The following GRM8 variants were observed in gnomAD, a reference collection of about 807,000 sequenced individuals.
GRM8 encodes the protein metabotropic glutamate receptor 8.
A neutral mutation model predicts 87.2 loss-of-function variants in GRM8; 47 were observed. The ratio of observed to expected loss-of-function variants is 0.54; its 90% CI spans 0.43 to 0.69. The LOEUF is 0.69. Among genes scored for constraint, GRM8 ranks in the 30% least tolerant of loss-of-function variants. The probability of loss-of-function intolerance (pLI) is 0.00; values close to 1 mark genes in which losing one functional copy is unlikely to be tolerated. For synonymous variants in GRM8, 396 were observed against 404.5 expected, an observed-to-expected ratio of 0.98 and a Z score of 0.25; for missense variants, 1,019 against 1,139.2, an observed-to-expected ratio of 0.89 and a Z score of 1.52.
intron 3 of GRM8, among the ~76,000 whole-genome samples, chr7:127,028,504 T>C (rs1372937232): frequency 6.6e-6 from 1 of 152,236 alleles, no homozygotes; most frequent in African/African-American, 2.4e-5. Flanking sequence ...ATTGCCTCAA[T>C]TTCAGAACCT....
chr7:126,886,190 C>G (rs1027939925), intron 6 of GRM8, among the ~76,000 whole-genome samples: 3 of 152,108 alleles, frequency 2.0e-5, no homozygotes, highest in African/African-American at 7.2e-5. Context: ...AAAAGTAAAT[C>G]TGAGCTTCCC....
At chr7:126,794,514 T>C (rs1019995655) in intron 6 of GRM8, among the ~76,000 whole-genome samples, 1 of 152,156 alleles carries the variant, frequency 6.6e-6, no homozygotes, top group Non-Finnish European at 1.5e-5. Flanking sequence ...TTCATATTGA[T>C]TTTTCTTCCG....
intron 3 of GRM8, chr7:126,981,718 C>G (rs1811550091): frequency 6.6e-6 from 1 of 152,220 alleles, no homozygotes; most frequent in Non-Finnish European, 1.5e-5. Flanking sequence ...ATAGCACCCT[C>G]TTAGAGGCCA....
intron 3 of GRM8, among the ~76,000 whole-genome samples, chr7:126,995,476 T>A (rs945681935): frequency 6.6e-6 from 1 of 152,256 alleles, no homozygotes; most frequent in Admixed American, 6.5e-5. Context: ...CAAAGAAGAA[T>A]TCAGAATTCT....
chr7:127,049,722 C>T (rs1819282398), intron 3 of GRM8, among the ~76,000 whole-genome samples: 2 of 152,048 alleles, frequency 1.3e-5, no homozygotes, highest in African/African-American at 4.8e-5. Flanking sequence ...GGGAGCAAAG[C>T]CAGGCCAGCA....
intron 3 of GRM8, among the ~76,000 whole-genome samples, chr7:127,029,030 G>A (rs545658483): frequency 1.3e-4 from 20 of 152,226 alleles, no homozygotes; most frequent in South Asian, 1.0e-3. Context: ...ATTCTGGTAC[G>A]TTGTGTCTTT....
chr7:126,559,807 A>G (rs139937001), intron 8 of GRM8, among the ~76,000 whole-genome samples: 1 of 152,324 alleles, frequency 6.6e-6, no homozygotes, highest in African/African-American at 2.4e-5. Flanking sequence ...TGAAAATTTC[A>G]ATTGTAGGCT....
chr7:126,779,171 C>A (rs962992454), intron 6 of GRM8, among the ~76,000 whole-genome samples: 3 of 151,984 alleles, frequency 2.0e-5, no homozygotes, highest in Middle Eastern at 3.4e-3. Context: ...GCAATTAATT[C>A]TTTTGTTATA....
At chr7:126,772,741 G>A (rs939002133) in intron 6 of GRM8, among the ~76,000 whole-genome samples, 1 of 151,978 alleles carries the variant, frequency 6.6e-6, no homozygotes. Context: ...AAGAGTCAAA[G>A]AACACAATTC....
intron 3 of GRM8, chr7:127,076,222 AC>A: frequency 6.6e-6 from 3 of 456,574 alleles, no homozygotes; most frequent in South Asian, 4.6e-5. Context: ...TGAATCCCAA[AC>A]AGGGATGGAT....
At chr7:126,915,999 A>G (rs554046676) in intron 3 of GRM8, among the ~76,000 whole-genome samples, 5 of 152,320 alleles carry the variant, frequency 3.3e-5, no homozygotes, top group Non-Finnish European at 7.3e-5. Context: ...TGCCATTTCA[A>G]ATTAGGTTCC....
intron 6 of GRM8, among the ~76,000 whole-genome samples, chr7:126,772,401 C>T (rs1159591400): frequency 6.6e-6 from 1 of 152,072 alleles, no homozygotes; most frequent in Non-Finnish European, 1.5e-5. Context: ...CAGTGAGGTT[C>T]AGGGCAGTTG....
chr7:126,683,997 A>AT (rs1007092774), intron 7 of GRM8, among the ~76,000 whole-genome samples: 1 of 152,186 alleles, frequency 6.6e-6, no homozygotes, highest in African/African-American at 2.4e-5. Flanking sequence ...ATCATGTTGA[A>AT]TTTTTTCACT....
intron 6 of GRM8, among the ~76,000 whole-genome samples, chr7:126,891,937 G>T (rs1288067752): frequency 2.7e-5 from 4 of 145,488 alleles, no homozygotes; most frequent in African/African-American, 1.0e-4. Context: ...AAGCCTATTT[G>T]TGCCAGATGC....
At chr7:127,097,095 CT>C in intron 3 of GRM8, among the ~76,000 whole-genome samples, 1 of 152,114 alleles carries the variant, frequency 6.6e-6, no homozygotes, top group Non-Finnish European at 1.5e-5. Flanking sequence ...GATCTTTCCA[CT>C]AAGAAAAAAC....
At chr7:126,452,036 T>C (rs548328786) in intron 9 of GRM8, among the ~76,000 whole-genome samples, 2 of 151,822 alleles carry the variant, frequency 1.3e-5, no homozygotes, top group Admixed American at 1.3e-4. Context: ...GGCTGTAAAC[T>C]CAGCACTTAG....
chr7:127,226,026 T>C (rs757651529), intron 2 of GRM8, among the ~76,000 whole-genome samples: 11 of 152,224 alleles, frequency 7.2e-5, no homozygotes, highest in African/African-American at 2.7e-4. Flanking sequence ...ACATTACATG[T>C]CATTCATTAT....
intron 6 of GRM8, among the ~76,000 whole-genome samples, chr7:126,834,181 C>A (rs1298398034): frequency 2.0e-5 from 3 of 152,194 alleles, no homozygotes; most frequent in Non-Finnish European, 4.4e-5. Context: ...CCCATCCTCT[C>A]CCCCATTGCC....
intron 8 of GRM8, among the ~76,000 whole-genome samples, chr7:126,576,156 C>G (rs900687037): frequency 6.6e-6 from 1 of 152,142 alleles, no homozygotes; most frequent in Non-Finnish European, 1.5e-5. Flanking sequence ...TAAATTCTCA[C>G]CAACATTTTG....
Sources: gnomAD v4.1 joint callset for allele counts (sites outside exome capture counted in the v4.1 genomes callset) on GRCh38, gnomAD v4.1.1 for gene constraint, MANE v1.5 for transcripts, NCBI Gene and HGNC (gene_info 2026-07-23, HGNC 2026-07-21) for gene names.